CPEB4: variants seen among roughly 807,000 people sequenced by gnomAD.
CPEB4 encodes the protein cytoplasmic polyadenylation element binding protein 4.
In CPEB4, 12 loss-of-function variants were observed where a neutral mutation model predicts 72.5. The observed-to-expected ratio is 0.17, with a 90% CI of 0.11 to 0.27. The LOEUF (loss-of-function observed/expected upper bound fraction) is 0.27, where lower values mean the gene tolerates loss of function less well. Among genes scored for constraint, CPEB4 ranks in the 10% least tolerant of loss-of-function variants. CPEB4 has a pLI of 1.00. For synonymous variants in CPEB4, 302 were observed against 326.3 expected, an observed-to-expected ratio of 0.93 and a Z score of 0.80; for missense variants, 614 against 908.5, an observed-to-expected ratio of 0.68 and a Z score of 4.17.
At chr5:173,906,404 A>G (rs1756437420) in intron 1 of CPEB4, among the ~76,000 whole-genome samples, 1 of 152,236 alleles carries the variant, frequency 6.6e-6, no homozygotes, top group Non-Finnish European at 1.5e-5. Flanking sequence ...CTGCTCTGAG[A>G]ACAGAATGTT....
Position 173,888,422 on chromosome 5 carries a change from C to CGGT in CPEB4, c.-1310_-1309insTGG. 4.4e-6 allele frequency: 2 copies of CGGT among 459,002 alleles called. No homozygotes were observed. Among genetic ancestry groups the CGGT allele is most frequent in the South Asian group, 5.2e-5 (1 of 19,136 alleles). The allele number at this position is 459,002 out of a possible 1,614,324, so 28.4% of individuals were successfully genotyped here. A position where few individuals can be genotyped will look rare whatever the true frequency, so the allele number is the denominator to read the frequency against. ...GGGCACCGGGAGGCGGTGGCGGCGGCGGCGGCGGCAGCAGCGGCGACAGCA... is the reference window on the plus strand; with the variant it reads ...GGGCACCGGGAGGCGGTGGCGGCGGCGGTGGCGGCGGCAGCAGCGGCGACAGCA... On this transcript the variant is annotated 5_prime_UTR_variant, in exon 1 of 10. Coordinates refer to ENST00000265085, the MANE Select transcript of CPEB4 (RefSeq NM_030627.4). The surrounding 1 kb of genome is among the most constrained non-coding windows in gnomAD (Gnocchi z 4.3).
intron 9 of CPEB4, among the ~76,000 whole-genome samples, chr5:173,954,038 A>T (rs1341395874): frequency 6.6e-6 from 1 of 151,948 alleles, no homozygotes; most frequent in Admixed American, 6.6e-5. Flanking sequence ...GCCTTTATTG[A>T]TGAGGGAAGC....
chr5:173,906,284 T>C (rs1452100157), intron 1 of CPEB4, among the ~76,000 whole-genome samples: 3 of 152,262 alleles, frequency 2.0e-5, no homozygotes, highest in Non-Finnish European at 2.9e-5. Flanking sequence ...GTGTCCCCTT[T>C]ATCTATTTCC....
chr5:173,927,659 C>T (rs1427514608), intron 2 of CPEB4, among the ~76,000 whole-genome samples: 1 of 152,106 alleles, frequency 6.6e-6, no homozygotes, highest in Non-Finnish European at 1.5e-5. Context: ...CGCCTGTAGT[C>T]CCAGCTACTC....
intron 2 of CPEB4, among the ~76,000 whole-genome samples, chr5:173,921,829 C>A (rs112240876): frequency 6.6e-6 from 1 of 152,152 alleles, no homozygotes; most frequent in Non-Finnish European, 1.5e-5. Flanking sequence ...TTTTCCTTTT[C>A]GAGGTAGACC....
At chr5:173,914,959 T>C (rs745441829) in intron 2 of CPEB4, among the ~76,000 whole-genome samples, 3 of 152,212 alleles carry the variant, frequency 2.0e-5, no homozygotes, top group Non-Finnish European at 2.9e-5. Flanking sequence ...CTCATAGGTA[T>C]GCAGTTTGTG....
At chr5:173,946,374 A>G (rs920593420) in intron 5 of CPEB4, among the ~76,000 whole-genome samples, 2 of 152,230 alleles carry the variant, frequency 1.3e-5, no homozygotes, top group Admixed American at 1.3e-4. Context: ...CAAATCATTT[A>G]AAAGCTAATG....
At position 173,888,439 on chromosome 5, in the gene CPEB4, G is replaced by T; in HGVS notation, c.-1295G>T. ...GGCGGCGGCGGCGGCGGCAGCAGCG[G>T]CGACAGCAGAGGAGGAAGAGGAGGA... is the stretch of plus-strand genomic sequence containing the variant. On this transcript the variant is annotated 5_prime_UTR_variant, in exon 1 of 10. Coordinates refer to ENST00000265085, the MANE Select transcript of CPEB4 (RefSeq NM_030627.4). This position sits in a 1 kb window ranked among gnomAD's most constrained non-coding sequence, Gnocchi z 4.3. 1 of 456,652 alleles carries T rather than the reference G, an allele frequency of 2.2e-6. No homozygotes were observed. The highest frequency in any genetic ancestry group is 5.5e-5 in the South Asian group (1 of 18,308). The allele number at this position is 456,652 out of a possible 1,614,324, so 28.3% of individuals were successfully genotyped here.
At chr5:173,907,157 C>G (rs1756470033) in intron 1 of CPEB4, among the ~76,000 whole-genome samples, 1 of 152,166 alleles carries the variant, frequency 6.6e-6, no homozygotes, top group Non-Finnish European at 1.5e-5. Context: ...GTCCCAGCTA[C>G]TCAGGAGGCT....
At chr5:173,947,985 C>T (rs549602573) in intron 5 of CPEB4, among the ~76,000 whole-genome samples, 5 of 152,168 alleles carry the variant, frequency 3.3e-5, no homozygotes, top group African/African-American at 7.2e-5. Context: ...GAGCCTCCCA[C>T]GCCTAAGGGA....
rs1380599440 is a variant in CPEB4 at position 173,900,526 on chromosome 5, C to T, written c.1125+9668C>T. ...CAGCCAGTTGAGGTCTAAATAACTT[C>T]ATTCCTCAAGGCTGAGTGTTAGTAT... is the stretch of plus-strand genomic sequence containing the variant. On this transcript the variant is annotated intron_variant, in intron 1 of 9. Transcript: ENST00000265085. This position sits in a 1 kb window ranked among gnomAD's most constrained non-coding sequence, Gnocchi z 4.4. Among the ~76,000 whole-genome samples the T allele has an allele frequency of 6.6e-6, 1 of 152,208 alleles. No homozygotes were observed. The highest frequency in any genetic ancestry group is 1.5e-5 in the Non-Finnish European group (1 of 68,040).
intron 1 of CPEB4, among the ~76,000 whole-genome samples, chr5:173,907,881 T>C (rs937282571): frequency 6.6e-6 from 1 of 152,198 alleles, no homozygotes; most frequent in Non-Finnish European, 1.5e-5. Context: ...ACCATCACCC[T>C]GTTGTGGTAG....
intron 4 of CPEB4, among the ~76,000 whole-genome samples, chr5:173,944,411 G>A (rs1457806307): frequency 6.6e-6 from 1 of 150,974 alleles, no homozygotes; most frequent in Admixed American, 6.6e-5. Context: ...AGAGTTTGAG[G>A]CTGCAGTGAG....
rs150187685 is a variant in CPEB4 at position 173,937,019 on chromosome 5, C to CT, written c.1258+4541dup. Among the ~76,000 whole-genome samples, 838 of 97,210 alleles carry CT rather than the reference C, an allele frequency of 8.6e-3. 19 individuals are homozygous for CT. Among genetic ancestry groups the CT allele is most frequent in the African/African-American group, 0.022 (535 of 24,708 alleles). 63.8% of individuals were successfully genotyped at this position (97,210 alleles called of 152,430 possible). On this transcript the variant is annotated intron_variant, in intron 3 of 9. Coordinates refer to ENST00000265085, the MANE Select transcript of CPEB4 (RefSeq NM_030627.4). The stretch of plus-strand genomic sequence containing the variant: ...GGTAGCACAGAACAACATTTCTTTC[C>CT]TTTTTTTTTTTTTTTTTTTTTTGAG...
chr5:173,905,016 T>A (rs763187295), intron 1 of CPEB4, among the ~76,000 whole-genome samples: 270 of 79,482 alleles, frequency 3.4e-3, no homozygotes, highest in African/African-American at 8.2e-3. Flanking sequence ...ATAATAATAA[T>A]AAAAAAATGT....
intron 1 of CPEB4, among the ~76,000 whole-genome samples, chr5:173,898,214 TTAAA>T (rs1756095439): frequency 6.6e-6 from 1 of 152,194 alleles, no homozygotes; most frequent in East Asian, 1.9e-4. Context: ...ATGTAACAAT[TTAAA>T]TAATAGTTCT....
intron 2 of CPEB4, among the ~76,000 whole-genome samples, chr5:173,914,705 G>A (rs1283223581): frequency 5.3e-5 from 8 of 152,212 alleles, no homozygotes; most frequent in African/African-American, 1.7e-4. Context: ...GCAATGAGCC[G>A]AGATCGGGCC....
Position 173,888,762 on chromosome 5 carries a change from GA to G in CPEB4, c.-965del, listed in dbSNP as rs1359653036. The G allele has an allele frequency of 3.7e-5, 14 of 380,500 alleles. No individual in the cohort carries two copies. The highest frequency in any genetic ancestry group is 7.4e-5 in the East Asian group (2 of 26,994). 23.6% of individuals were successfully genotyped at this position (380,500 alleles called of 1,614,324 possible). On this transcript the variant is annotated 5_prime_UTR_variant, in exon 1 of 10. The change abolishes the stop of an existing upstream ORF in the 5' untranslated region. Transcript: ENST00000265085. This position sits in a 1 kb window ranked among gnomAD's most constrained non-coding sequence, Gnocchi z 4.3. Reference sequence around the variant, plus strand: ...CAAACCGCCCCTGGGTCCCATGAGGGAAAAAAACCCCGGAGCCGCAGAGAGG... The same window carrying G: ...CAAACCGCCCCTGGGTCCCATGAGGGAAAAAACCCCGGAGCCGCAGAGAGG...
In CPEB4 at chr5:173,890,862, A is replaced by G. The variant is rs1158136249; in HGVS notation, c.1125+4A>G. The G allele has an allele frequency of 3.1e-6, 5 of 1,601,812 alleles. No individual in the cohort carries two copies. Among genetic ancestry groups the G allele is most frequent in the East Asian group, 2.2e-5 (1 of 44,850 alleles). ...TGACAACATTTTTCCTTTTCCGGTA[A>G]GATTATGTTCCATTAATAGATTAGG... On this transcript the variant is annotated splice_donor_region_variant and intron_variant, in intron 1 of 9. Coordinates refer to ENST00000265085, the MANE Select transcript of CPEB4 (RefSeq NM_030627.4).
Sources: allele counts gnomAD v4.1 joint callset (sites outside exome capture counted in the v4.1 genomes callset), GRCh38; gene constraint gnomAD v4.1.1; non-coding constraint Gnocchi (gnomAD v3.1); transcripts MANE v1.5; gene names NCBI Gene and HGNC (gene_info 2026-07-23, HGNC 2026-07-21).